PDE10A: variants seen among roughly 807,000 people sequenced by gnomAD.
PDE10A encodes the protein cAMP and cAMP-inhibited cGMP 3',5'-cyclic phosphodiesterase 10A.
PDE10A carries 39 observed loss-of-function variants against 97.7 expected under a neutral mutation model. That is an observed-to-expected ratio of 0.40 (90% CI 0.31 to 0.52). PDE10A has a LOEUF of 0.52. PDE10A is among the 20% of genes least tolerant of loss of function. PDE10A has a pLI of 0.56. For synonymous variants in PDE10A, 371 were observed against 376.8 expected, an observed-to-expected ratio of 0.98 and a Z score of 0.18; for missense variants, 731 against 1,047.8, an observed-to-expected ratio of 0.70 and a Z score of 4.17.
intron 1 of PDE10A, among the ~76,000 whole-genome samples, chr6:165,836,061 G>A (rs1028377593): frequency 4.6e-5 from 7 of 152,068 alleles, no homozygotes; most frequent in African/African-American, 9.7e-5. Context: ...AATCTAAAAC[G>A]CTTTCGCTGT....
intron 1 of PDE10A, among the ~76,000 whole-genome samples, chr6:165,913,268 A>T (rs1245683411): frequency 8.3e-6 from 1 of 120,028 alleles, no homozygotes; most frequent in Non-Finnish European, 1.8e-5. Context: ...AGGACACTCA[A>T]CTTGTACACA....
intron 18 of PDE10A, among the ~76,000 whole-genome samples, chr6:165,368,911 C>T (rs1018866424): frequency 2.0e-5 from 3 of 152,174 alleles, no homozygotes; most frequent in East Asian, 1.9e-4. Context: ...CAGCAGCATT[C>T]GCGGTTCACG....
At chr6:165,510,869 T>C (rs1246096214) in intron 2 of PDE10A, among the ~76,000 whole-genome samples, 1 of 151,984 alleles carries the variant, frequency 6.6e-6, no homozygotes, top group African/African-American at 2.4e-5. Flanking sequence ...ATCAGTTGGT[T>C]GTAATGTCTC....
intron 1 of PDE10A, among the ~76,000 whole-genome samples, chr6:165,937,925 TC>T (rs939509556): frequency 3.3e-5 from 5 of 151,814 alleles, no homozygotes; most frequent in South Asian, 2.1e-4. Context: ...TGCAAACCAG[TC>T]CCCCCTGTAT....
rs551022693 is a variant in PDE10A at position 165,339,900 on chromosome 6, C to T, written c.2896-542G>A. ...AACTATGTTAGTTACTGAAGGTTCACGTACAGTTACAGGTAATAGTTACTA... is the reference window on the plus strand; with the variant it reads ...AACTATGTTAGTTACTGAAGGTTCATGTACAGTTACAGGTAATAGTTACTA... On this transcript the variant is annotated intron_variant, in intron 19 of 21. Coordinates refer to ENST00000539869, the MANE Select transcript of PDE10A (RefSeq NM_001385079.1). 5.9e-5 allele frequency among the ~76,000 whole-genome samples: 9 copies of T among 151,942 alleles called. No individual in the cohort carries two copies. In the South Asian group the frequency reaches 1.7e-3, roughly 28 times the overall value.
At chr6:165,560,114 T>C (rs1460001946) in intron 1 of PDE10A, among the ~76,000 whole-genome samples, 1 of 152,214 alleles carries the variant, frequency 6.6e-6, no homozygotes, top group Non-Finnish European at 1.5e-5. Context: ...TACAGGTTGG[T>C]CCTAAAATAG....
chr6:165,852,361 T>G (rs994990794), intron 1 of PDE10A, among the ~76,000 whole-genome samples: 1 of 152,228 alleles, frequency 6.6e-6, no homozygotes, highest in African/African-American at 2.4e-5. Context: ...ATGTCCTCAA[T>G]GCTGGTGAGT....
At chr6:165,452,120 C>G (rs1791339680) in intron 3 of PDE10A, among the ~76,000 whole-genome samples, 2 of 152,160 alleles carry the variant, frequency 1.3e-5, no homozygotes, top group South Asian at 4.1e-4. Context: ...GGAGCCCTGG[C>G]ATATGTGAAT....
intron 1 of PDE10A, among the ~76,000 whole-genome samples, chr6:165,972,413 T>C (rs1784709192): frequency 6.6e-6 from 1 of 152,062 alleles, no homozygotes. Context: ...CCCTGCCAGG[T>C]GGTATGACCT....
At chr6:165,781,831 G>A (rs557027483) in intron 1 of PDE10A, 3 of 152,240 alleles carry the variant, frequency 2.0e-5, no homozygotes, top group Non-Finnish European at 4.4e-5. Flanking sequence ...GTGGGGAGAT[G>A]GATGCTTCCC....
At chr6:165,444,216 G>A (rs1277336925) in intron 5 of PDE10A, among the ~76,000 whole-genome samples, 1 of 152,160 alleles carries the variant, frequency 6.6e-6, no homozygotes, top group Non-Finnish European at 1.5e-5. Flanking sequence ...TCTCTTGGAA[G>A]TTTCAAACTT....
At chr6:165,817,683 G>A (rs1032175796) in intron 1 of PDE10A, among the ~76,000 whole-genome samples, 2 of 152,174 alleles carry the variant, frequency 1.3e-5, no homozygotes, top group African/African-American at 4.8e-5. Flanking sequence ...AGGGTGTCAG[G>A]GGGAGCAGAC....
intron 1 of PDE10A, among the ~76,000 whole-genome samples, chr6:165,624,717 C>T (rs1562639881): frequency 6.6e-6 from 1 of 152,212 alleles, no homozygotes. Context: ...ACCCTGGAAG[C>T]ACAACAGTGA....
At chr6:165,822,893 G>A (rs947036020) in intron 1 of PDE10A, among the ~76,000 whole-genome samples, 1 of 151,892 alleles carries the variant, frequency 6.6e-6, no homozygotes, top group African/African-American at 2.4e-5. Context: ...GGAGGGCAGT[G>A]GCGCGATCTC....
chr6:165,360,353 C>T (rs1279661008), intron 18 of PDE10A, among the ~76,000 whole-genome samples: 3 of 152,180 alleles, frequency 2.0e-5, no homozygotes, highest in African/African-American at 7.2e-5. Context: ...CCACATCTCC[C>T]GGATTCTACC....
intron 1 of PDE10A, among the ~76,000 whole-genome samples, chr6:165,685,628 C>G (rs149179219): frequency 2.5e-3 from 385 of 152,230 alleles, no homozygotes; most frequent in Non-Finnish European, 5.1e-3. Context: ...ACAGCCCACA[C>G]TCCTCTTTTA....
chr6:165,742,467 C>T (rs910932580), intron 1 of PDE10A, among the ~76,000 whole-genome samples: 1 of 152,098 alleles, frequency 6.6e-6, no homozygotes, highest in Non-Finnish European at 1.5e-5. Flanking sequence ...TCCCGAGTCC[C>T]ACCCAGGACA....
intron 1 of PDE10A, among the ~76,000 whole-genome samples, chr6:165,772,602 C>CT (rs1171546727): frequency 6.6e-6 from 1 of 152,218 alleles, no homozygotes; most frequent in Non-Finnish European, 1.5e-5. Flanking sequence ...CCTGCGTGAC[C>CT]TCCGGGGCCC....
At chr6:165,846,131 G>A (rs973649528) in intron 1 of PDE10A, among the ~76,000 whole-genome samples, 1 of 152,132 alleles carries the variant, frequency 6.6e-6, no homozygotes, top group South Asian at 2.1e-4. Context: ...CGGACTCTTC[G>A]TGCCTTGCAG....
Sources: gnomAD v4.1 joint callset for allele counts (sites outside exome capture counted in the v4.1 genomes callset) on GRCh38, gnomAD v4.1.1 for gene constraint, MANE v1.5 for transcripts, NCBI Gene and HGNC (gene_info 2026-07-23, HGNC 2026-07-21) for gene names.